C3orf22: variants seen among roughly 807,000 people sequenced by gnomAD.
The protein encoded by C3orf22 is chromosome 3 open reading frame 22.
C3orf22 carries 7 observed loss-of-function variants against 10.8 expected under a neutral mutation model. That is an observed-to-expected ratio of 0.65 (90% CI 0.37 to 1.22). The LOEUF is 1.22. Ranked by LOEUF, C3orf22 falls within the 50% of genes most tolerant of loss-of-function variation. The probability of loss-of-function intolerance (pLI) is 0.02; values close to 1 mark genes in which losing one functional copy is unlikely to be tolerated. For missense variants in C3orf22, 173 were observed against 177.0 expected (o/e 0.98, Z 0.13); for synonymous variants, 79 against 78.9 (o/e 1.00, Z 0.00).
At chr3:126,533,126 TG>T (rs1459156622) in intron 4 of C3orf22, among the ~76,000 whole-genome samples, 2 of 152,208 alleles carry the variant, frequency 1.3e-5, no homozygotes. Flanking sequence ...TCTTACAGTT[TG>T]TGAATTCTTT....
At chr3:126,555,770 C>A (rs894482242) in intron 1 of C3orf22, among the ~76,000 whole-genome samples, 6 of 152,204 alleles carry the variant, frequency 3.9e-5, no homozygotes, top group Non-Finnish European at 8.8e-5. Flanking sequence ...CCCTCTAACA[C>A]CCTTGCCAGC....
intron 4 of C3orf22, chr3:126,542,809 C>A (rs1937000637): frequency 2.1e-6 from 1 of 468,002 alleles, no homozygotes; most frequent in Non-Finnish European, 3.5e-6. Flanking sequence ...CCTGCTTCCT[C>A]CACTTGCTCC....
At position 126,528,955 on chromosome 3, in the gene C3orf22, G is replaced by A. The variant is rs758467660; in HGVS notation, c.*218+177C>T. ...CAGGACAGAGGCCCTCGGAGGCCAC[G>A]TGGGAACCTATGCCTGCTGGCAGGA... On this transcript the variant is annotated intron_variant and NMD_transcript_variant, in intron 5 of 5. Coordinates refer to the C3orf22 transcript ENST00000505070. Among the ~76,000 whole-genome samples, 19 of 152,366 alleles carry A rather than the reference G, an allele frequency of 1.2e-4. No individual in the cohort carries two copies. In the South Asian group the frequency reaches 1.4e-3, roughly 12 times the overall value.
intron 4 of C3orf22, among the ~76,000 whole-genome samples, chr3:126,536,836 C>T (rs147744771): frequency 9.6e-4 from 145 of 151,332 alleles, no homozygotes; most frequent in Middle Eastern, 3.4e-3. Flanking sequence ...TACAACTGTA[C>T]CCCACCACCA....
chr3:126,549,461 T>G, downstream of C3orf22: 2 of 458,884 alleles, frequency 4.4e-6, no homozygotes, highest in Non-Finnish European at 4.3e-6. Context: ...TTCCTGTGAG[T>G]GTTTAGCAAA....
intron 4 of C3orf22, among the ~76,000 whole-genome samples, chr3:126,535,901 A>G (rs541017308): frequency 9.2e-5 from 14 of 152,206 alleles, no homozygotes; most frequent in Non-Finnish European, 2.1e-4. Flanking sequence ...AGCCTGGTGA[A>G]CCCCACAAGG....
At chr3:126,531,132 T>A (rs1368941662) in intron 4 of C3orf22, among the ~76,000 whole-genome samples, 3 of 152,274 alleles carry the variant, frequency 2.0e-5, no homozygotes, top group Non-Finnish European at 4.4e-5. Flanking sequence ...GCAGCTGGTG[T>A]CAAAGCACGC....
intron 1 of C3orf22, among the ~76,000 whole-genome samples, chr3:126,555,121 T>C (rs1361342043): frequency 6.6e-6 from 1 of 152,228 alleles, no homozygotes; most frequent in East Asian, 1.9e-4. Flanking sequence ...GGAAGTCTGC[T>C]GCTTCCCTGG....
chr3:126,555,821 G>A (rs1026652785), intron 1 of C3orf22, among the ~76,000 whole-genome samples: 4 of 152,182 alleles, frequency 2.6e-5, no homozygotes, highest in Non-Finnish European at 4.4e-5. Context: ...CCCCTCCAGG[G>A]CTGTGCCAGC....
At chr3:126,550,169 T>A (rs991471783) in intron 3 of C3orf22, 91 bp from the exon 4 acceptor site, 5 of 1,423,708 alleles carry the variant, frequency 3.5e-6, no homozygotes, top group Non-Finnish European at 4.8e-6. Context: ...GGGCCACATC[T>A]GGGAGGGCTC....
chr3:126,530,732 T>C (rs1161358570), intron 4 of C3orf22, among the ~76,000 whole-genome samples: 5 of 152,264 alleles, frequency 3.3e-5, no homozygotes, highest in African/African-American at 1.2e-4. Flanking sequence ...GCTCCTTTTC[T>C]GATGACGGTG....
chr3:126,552,102 G>T lies in C3orf22; in HGVS notation c.110C>A (p.Pro37His). The stretch of plus-strand genomic sequence containing the variant: ...CCAGGGCTGCAGGGGCTCAGGGTCG[G>T]GCTCTGTCAGCCACGACAACCTGCA... ...FPYRLSWLTE[P>H]DPEPLQPWEV... Residue 37 changes from proline (P) to histidine (H), a missense_variant, in exon 3 of 4, where the codon CCC becomes CAC. Pro to His is a moderately conservative substitution (Grantham distance 77). Transcript: ENST00000318225. 6.2e-7 allele frequency: 1 copy of T among 1,613,902 alleles called. No individual in the cohort carries two copies. The highest frequency in any genetic ancestry group is 8.5e-7 in the Non-Finnish European group (1 of 1,179,952).
chr3:126,532,172 C>T (rs1936673857), intron 4 of C3orf22, among the ~76,000 whole-genome samples: 1 of 152,194 alleles, frequency 6.6e-6, no homozygotes, highest in Admixed American at 6.5e-5. Context: ...TAGTTCCTTA[C>T]CAGAGAGATA....
At chr3:126,536,242 T>C in intron 4 of C3orf22, 1 of 1,602,894 alleles carries the variant, frequency 6.2e-7, no homozygotes, top group Non-Finnish European at 8.5e-7. Context: ...TCTGATATGG[T>C]GGCGACATCT....
chr3:126,553,373 G>A lies in C3orf22; in HGVS notation c.18C>T (p.Cys6=), dbSNP rs747753072. MDSSA[C]KKSHQSKKWR... ...ACTTCTTACTCTGGTGAGACTTCTTGCAGGCACTGGAGTCCATCACTGAGT... is the reference window on the plus strand; with the variant it reads ...ACTTCTTACTCTGGTGAGACTTCTTACAGGCACTGGAGTCCATCACTGAGT... Residue 6 remains cysteine (C), a synonymous_variant, in exon 2 of 4, where the codon TGC becomes TGT. Transcript: ENST00000318225. The A allele has an allele frequency of 1.2e-5, 20 of 1,613,922 alleles. 1 individual carries two copies. In the South Asian group the frequency reaches 2.2e-4, roughly 18 times the overall value.
chr3:126,531,991 A>G (rs1333823821), intron 4 of C3orf22, among the ~76,000 whole-genome samples: 1 of 152,172 alleles, frequency 6.6e-6, no homozygotes, highest in Non-Finnish European at 1.5e-5. Flanking sequence ...AACCATCCTC[A>G]TGGTGTTGAT....
downstream of C3orf22, chr3:126,549,552 T>C (rs1937132840): frequency 2.3e-6 from 2 of 881,686 alleles, no homozygotes; most frequent in Non-Finnish European, 3.3e-6. Flanking sequence ...TGAGTGTACA[T>C]TTGGGATAAA....
intron 4 of C3orf22, among the ~76,000 whole-genome samples, chr3:126,539,861 C>A (rs919883889): frequency 0.11 from 125 of 1,170 alleles, 9 homozygotes; most frequent in East Asian, 0.19. Context: ...ACACACACAC[C>A]CCACACCACA....
At chr3:126,542,646 T>C in intron 4 of C3orf22, 1 of 1,399,766 alleles carries the variant, frequency 7.1e-7, no homozygotes, top group African/African-American at 1.5e-5. Flanking sequence ...GGAATGCAGG[T>C]GCTGCCGGCC....
Sources: gnomAD v4.1 joint callset for allele counts (sites outside exome capture counted in the v4.1 genomes callset) on GRCh38, gnomAD v4.1.1 for gene constraint, MANE v1.5 for transcripts, NCBI Gene and HGNC (gene_info 2026-07-23, HGNC 2026-07-21) for gene names.